PNPLA7: variants seen among roughly 807,000 people sequenced by gnomAD.
The protein encoded by PNPLA7 is patatin like domain 7, lysophospholipase.
Under a neutral mutation model 161.7 loss-of-function variants are expected in PNPLA7, and 153 were observed. The observed-to-expected ratio is 0.95, with a 90% CI of 0.83 to 1.08. The LOEUF (loss-of-function observed/expected upper bound fraction) is 1.08, where lower values mean the gene tolerates loss of function less well. PNPLA7 is among the 50% of genes least tolerant of loss of function. The pLI is 0.00. For missense variants in PNPLA7, 1,739 were observed against 1,856.6 expected, an observed-to-expected ratio of 0.94 and a Z score of 1.16; for synonymous variants, 809 against 782.1, an observed-to-expected ratio of 1.03 and a Z score of -0.57.
At position 137,506,095 on chromosome 9, in the gene PNPLA7, G is replaced by T; in HGVS notation, c.1226-12C>A. 2 of 1,606,736 alleles carry T rather than the reference G, an allele frequency of 1.2e-6. 1 individual carries two copies. The highest frequency in any genetic ancestry group is 4.5e-5 in the East Asian group (2 of 44,666). On this transcript the variant is annotated splice_polypyrimidine_tract_variant and intron_variant, in intron 12 of 34. Transcript: ENST00000406427. ...ACTGCCTGGGCCCCCTACACACAGA[G>T]GGGACACTCAGGACACGGTTCGCTA...
intron 12 of PNPLA7, among the ~76,000 whole-genome samples, chr9:137,513,319 C>T (rs952199499): frequency 1.3e-5 from 2 of 151,908 alleles, no homozygotes; most frequent in East Asian, 1.9e-4. Context: ...GGGGAAACCC[C>T]GTCTCTACTA....
chr9:137,479,086 G>A lies in PNPLA7; in HGVS notation c.2733C>T (p.Arg911=), dbSNP rs769607734. The A allele has an allele frequency of 3.5e-5, 56 of 1,595,836 alleles. No homozygotes were observed. The highest frequency in any genetic ancestry group is 1.8e-4 in the East Asian group (8 of 44,278). Residue 911 remains arginine, a synonymous_variant, in exon 24 of 35, where the codon CGC becomes CGT. Transcript: ENST00000406427. The stretch of plus-strand genomic sequence containing the variant: ...TGGGCAGGCTCCTCCTGGAGAAGAC[G>A]CGGCGCGGGCAGCAGAGGTGCAGGT... ...SGHLHLCCPR[R]VFSRRSLPKL...
Position 137,500,381 on chromosome 9 carries a change from C to G in PNPLA7, c.1757+310G>C, listed in dbSNP as rs1833323495. On this transcript the variant is annotated intron_variant, in intron 16 of 34. Coordinates refer to ENST00000406427, the MANE Select transcript of PNPLA7 (RefSeq NM_001098537.3). This position sits in a 1 kb window ranked among gnomAD's most constrained non-coding sequence, Gnocchi z 5.5. Reference sequence around the variant, plus strand: ...GCCTTGCTGAGCCAAGCTGGGGAGCCCCAGAACTGACCAGTGATAAATGGA... The same window carrying G: ...GCCTTGCTGAGCCAAGCTGGGGAGCGCCAGAACTGACCAGTGATAAATGGA... Among the ~76,000 whole-genome samples the G allele has an allele frequency of 6.6e-6, 1 of 152,200 alleles. No homozygotes were observed. Among genetic ancestry groups the G allele is most frequent in the Non-Finnish European group, 1.5e-5 (1 of 68,038 alleles).
At chr9:137,539,974 CG>C (rs1836103250) in intron 8 of PNPLA7, among the ~76,000 whole-genome samples, 1 of 152,062 alleles carries the variant, frequency 6.6e-6, no homozygotes, top group South Asian at 2.1e-4. Context: ...TTAGTAGAGA[CG>C]GGGTTTCACC....
At chr9:137,481,126 G>A (rs533852062) in intron 21 of PNPLA7, 103 bp from the exon 22 acceptor site, 53 of 1,249,640 alleles carry the variant, frequency 4.2e-5, no homozygotes, top group Non-Finnish European at 5.4e-5. Context: ...GCCAGGCACC[G>A]ACGCCCAGCC....
rs1835001593 is a variant in PNPLA7 at position 137,521,724 on chromosome 9, A to C, written c.877-8T>G. ...CAGCCGCACCATGATGATCTGCAAG[A>C]ACACGCCAGCTGCGCGGTGACCACC... On this transcript the variant is annotated splice_region_variant and splice_polypyrimidine_tract_variant and intron_variant, in intron 9 of 34. Coordinates refer to ENST00000406427, the MANE Select transcript of PNPLA7 (RefSeq NM_001098537.3). 2 of 1,608,850 alleles carry C rather than the reference A, an allele frequency of 1.2e-6. No homozygotes were observed. The highest frequency in any genetic ancestry group is 1.3e-5 in the African/African-American group (1 of 75,002).
Position 137,515,265 on chromosome 9 carries a change from A to G in PNPLA7, c.1225+114T>C, listed in dbSNP as rs1331228338. The G allele has an allele frequency of 4.3e-6, 6 of 1,381,924 alleles. No individual in the cohort carries two copies. The African/African-American group carries it at 8.8e-5, about 20-fold the overall frequency. The allele number at this position is 1,381,924 out of a possible 1,614,324, so 85.6% of individuals were successfully genotyped here. A position where few individuals can be genotyped will look rare whatever the true frequency, so the allele number is the denominator to read the frequency against. Reference sequence around the variant, plus strand: ...GGCCCCCCTGGGCACGTGGGGCTCTAGTGGAGGGTGCCCGCCTCGGCGGCG... The same window carrying G: ...GGCCCCCCTGGGCACGTGGGGCTCTGGTGGAGGGTGCCCGCCTCGGCGGCG... On this transcript the variant is annotated intron_variant, in intron 12 of 34. Coordinates refer to ENST00000406427, the MANE Select transcript of PNPLA7 (RefSeq NM_001098537.3).
rs1351337086 is a variant in PNPLA7 at position 137,547,900 on chromosome 9, A to T, written c.31-241T>A. ...GTGGGGCAGGGCCAGCGGCTGCCCC[A>T]GGCATCACTAACACACCCACATGCT... is the stretch of plus-strand genomic sequence containing the variant. On this transcript the variant is annotated intron_variant, in intron 1 of 34. Transcript: ENST00000406427. The surrounding 1 kb of genome is among the most constrained non-coding windows in gnomAD (Gnocchi z 4.6). 6.6e-6 allele frequency among the ~76,000 whole-genome samples: 1 copy of T among 152,168 alleles called. No individual in the cohort carries two copies. The highest frequency in any genetic ancestry group is 1.5e-5 in the Non-Finnish European group (1 of 68,026).
chr9:137,504,854 G>A (rs11137347), intron 14 of PNPLA7, among the ~76,000 whole-genome samples: 24,167 of 151,968 alleles, frequency 0.16, 1,917 homozygotes, highest in East Asian at 0.21. Context: ...CCAGTGCATG[G>A]GAACTCATGA....
chr9:137,485,800 A>T (rs775355163), intron 20 of PNPLA7, among the ~76,000 whole-genome samples: 19 of 152,206 alleles, frequency 1.2e-4, no homozygotes, highest in Non-Finnish European at 2.6e-4. Flanking sequence ...CCAGACAGGC[A>T]GGACCCTCTC....
chr9:137,505,491 C>T (rs1386287878), intron 14 of PNPLA7, 123 bp downstream of exon 14: 2 of 1,168,244 alleles, frequency 1.7e-6, no homozygotes, highest in Admixed American at 2.6e-5. Context: ...GCCTGCACTC[C>T]ACCCAAAACA....
rs1588613190 is a variant in PNPLA7 at position 137,500,622 on chromosome 9, C to G, written c.1757+69G>C. The stretch of plus-strand genomic sequence containing the variant: ...GTGAGAGCACCAGGAAGAGGCCGGC[C>G]ACGCGGGGAGGGGTCTCAGGGCAGG... On this transcript the variant is annotated intron_variant, in intron 16 of 34. Transcript: ENST00000406427. The surrounding 1 kb of genome is among the most constrained non-coding windows in gnomAD (Gnocchi z 5.5). 2 of 1,463,520 alleles carry G rather than the reference C, an allele frequency of 1.4e-6. No homozygotes were observed. Among genetic ancestry groups the G allele is most frequent in the South Asian group, 1.2e-5 (1 of 83,368 alleles). The allele number at this position is 1,463,520 out of a possible 1,614,324, so 90.7% of individuals were successfully genotyped here.
intron 8 of PNPLA7, among the ~76,000 whole-genome samples, chr9:137,536,500 A>G (rs971885099): frequency 1.3e-5 from 2 of 152,134 alleles, no homozygotes; most frequent in Non-Finnish European, 2.9e-5. Flanking sequence ...GGTGCATATA[A>G]AAATCACCAA....
intron 24 of PNPLA7, chr9:137,478,404 TG>T (rs1564290860): frequency 6.3e-6 from 2 of 318,888 alleles, no homozygotes; most frequent in Non-Finnish European, 5.6e-6. Context: ...TGGGCCCGGG[TG>T]GGGGGCCAGA....
At chr9:137,509,461 G>C (rs1276012876) in intron 12 of PNPLA7, 2 of 240,864 alleles carry the variant, frequency 8.3e-6, no homozygotes, top group Non-Finnish European at 1.8e-5. Context: ...AGTTTAGCTG[G>C]TACGAATGAG....
chr9:137,548,851 C>G (rs1239816441), intron 1 of PNPLA7, among the ~76,000 whole-genome samples: 1 of 152,222 alleles, frequency 6.6e-6, no homozygotes, highest in Non-Finnish European at 1.5e-5. Flanking sequence ...AAGCTGAGCC[C>G]TTCGAACTTG....
chr9:137,539,073 G>A (rs944041554), intron 8 of PNPLA7, among the ~76,000 whole-genome samples: 2 of 150,410 alleles, frequency 1.3e-5, no homozygotes, highest in Admixed American at 6.6e-5. Flanking sequence ...CAAAATTCAG[G>A]CTGGGTGCAG....
chr9:137,494,667 G>C (rs1274850759), intron 19 of PNPLA7, among the ~76,000 whole-genome samples: 1 of 72,612 alleles, frequency 1.4e-5, no homozygotes, highest in African/African-American at 5.6e-5. Flanking sequence ...CCTCACCTGT[G>C]CCCTGCCCTC....
intron 18 of PNPLA7, among the ~76,000 whole-genome samples, chr9:137,495,989 GAC>G (rs745434299): frequency 6.6e-6 from 1 of 152,154 alleles, no homozygotes; most frequent in Non-Finnish European, 1.5e-5. Flanking sequence ...GGAGCACACT[GAC>G]AGAGTTCCCA....
Sources: gnomAD v4.1 joint callset for allele counts (sites outside exome capture counted in the v4.1 genomes callset) on GRCh38, gnomAD v4.1.1 for gene constraint, Gnocchi (gnomAD v3.1) non-coding constraint, MANE v1.5 for transcripts, NCBI Gene and HGNC (gene_info 2026-07-23, HGNC 2026-07-21) for gene names.